Variants in RBMS3 observed in about 807,000 individuals in gnomAD.
RBMS3 encodes RNA-binding motif, single-stranded-interacting protein 3.
In RBMS3, 27 loss-of-function variants were observed where a neutral mutation model predicts 66.8. The observed-to-expected ratio is 0.40, with a 90% confidence interval of 0.30 to 0.56. The LOEUF is 0.56. Ranked by LOEUF, RBMS3 falls within the 20% of genes least tolerant of loss-of-function variation. The probability of loss-of-function intolerance (pLI) is 0.40; values close to 1 mark genes in which losing one functional copy is unlikely to be tolerated. For synonymous variants in RBMS3, 188 were observed against 183.0 expected (o/e 1.03, Z -0.22); for missense variants, 513 against 549.5 (o/e 0.93, Z 0.66).
chr3:29,862,684 C>T (rs1197827782), intron 6 of RBMS3, among the ~76,000 whole-genome samples: 1 of 151,476 alleles, frequency 6.6e-6, no homozygotes, highest in African/African-American at 2.4e-5. Context: ...TTAGAAGTGA[C>T]GAGAGTGAAA....
intron 12 of RBMS3, among the ~76,000 whole-genome samples, chr3:29,966,108 A>G (rs1351427444): frequency 6.6e-6 from 1 of 152,126 alleles, no homozygotes; most frequent in Non-Finnish European, 1.5e-5. Flanking sequence ...TTATATCAGT[A>G]CCATGCTGTT....
intron 6 of RBMS3, among the ~76,000 whole-genome samples, chr3:29,808,730 T>A (rs1284710556): frequency 6.6e-6 from 1 of 151,920 alleles, no homozygotes; most frequent in African/African-American, 2.4e-5. Context: ...ACCTGCTTGA[T>A]TATCACTTAT....
chr3:29,358,774 T>C (rs2037384465), intron 1 of RBMS3, among the ~76,000 whole-genome samples: 1 of 152,176 alleles, frequency 6.6e-6, no homozygotes, highest in African/African-American at 2.4e-5. Flanking sequence ...CCCTTGTAAG[T>C]TGGAATCCTA....
intron 6 of RBMS3, among the ~76,000 whole-genome samples, chr3:29,764,840 A>G (rs554938507): frequency 6.6e-6 from 1 of 152,116 alleles, no homozygotes; most frequent in African/African-American, 2.4e-5. Context: ...TCATAGCTAC[A>G]CCCAATGGAA....
intron 3 of RBMS3, among the ~76,000 whole-genome samples, chr3:29,503,653 T>G (rs1179744640): frequency 6.6e-6 from 1 of 152,108 alleles, no homozygotes; most frequent in Non-Finnish European, 1.5e-5. Flanking sequence ...TTAATTTTGC[T>G]GATAGGATTT....
intron 4 of RBMS3, among the ~76,000 whole-genome samples, chr3:29,686,890 A>G (rs1389479735): frequency 1.3e-5 from 2 of 152,142 alleles, no homozygotes; most frequent in African/African-American, 2.4e-5. Flanking sequence ...TGTCAGAAAT[A>G]AAGTCATTAT....
intron 12 of RBMS3, among the ~76,000 whole-genome samples, chr3:29,986,443 AG>A (rs1698393951): frequency 6.6e-6 from 1 of 152,210 alleles, no homozygotes; most frequent in Admixed American, 6.5e-5. Flanking sequence ...GTCAATATCA[AG>A]AAGAGGATAT....
At chr3:29,318,579 T>C (rs2034827448) in intron 1 of RBMS3, among the ~76,000 whole-genome samples, 1 of 151,936 alleles carries the variant, frequency 6.6e-6, no homozygotes, top group African/African-American at 2.4e-5. Flanking sequence ...TTAGCAATTA[T>C]TTCCGAATGA....
chr3:29,677,151 A>G (rs558362653), intron 4 of RBMS3, among the ~76,000 whole-genome samples: 14 of 152,264 alleles, frequency 9.2e-5, no homozygotes, highest in East Asian at 7.7e-4. Flanking sequence ...GGATGGTACT[A>G]AACAATTCAT....
intron 1 of RBMS3, among the ~76,000 whole-genome samples, chr3:29,380,297 T>A (rs62235719): frequency 1.3e-5 from 2 of 151,898 alleles, no homozygotes; most frequent in East Asian, 1.9e-4. Context: ...AAAAATATCC[T>A]GTAATTTTTA....
chr3:29,590,093 T>TA lies in RBMS3; in HGVS notation c.399+2888_399+2889insA, dbSNP rs1435089352. The stretch of plus-strand genomic sequence containing the variant: ...TCTGCCACAAAGGAGTTTATTTATT[T>TA]TTTTTTGGTATCAAAAGTCATGTTT... On this transcript the variant is annotated intron_variant, in intron 4 of 14. Coordinates refer to ENST00000383767, the MANE Select transcript of RBMS3 (RefSeq NM_001003793.3). Among the ~76,000 whole-genome samples the TA allele has an allele frequency of 2.4e-4, 37 of 151,992 alleles. No homozygotes were observed. In the East Asian group the frequency reaches 2.5e-3, roughly 10 times the overall value.
At chr3:30,003,352 A>T (rs114167699) in intron 14 of RBMS3, among the ~76,000 whole-genome samples, 1 of 152,030 alleles carries the variant, frequency 6.6e-6, no homozygotes, top group African/African-American at 2.4e-5. Context: ...ACAAATTTAT[A>T]ATCTTGACAG....
In RBMS3 at chr3:29,670,871, C is replaced by T. The variant is rs555187680; in HGVS notation, c.400-68849C>T. Among the ~76,000 whole-genome samples the T allele has an allele frequency of 7.2e-4, 109 of 152,300 alleles. No individual in the cohort carries two copies. In the Middle Eastern group the frequency reaches 0.01, roughly 14 times the overall value. On this transcript the variant is annotated intron_variant, in intron 4 of 14. Coordinates refer to ENST00000383767, the MANE Select transcript of RBMS3 (RefSeq NM_001003793.3). ...GCACAGAAACTTCTGCAGACTTAAACGCCCCTGTCTGACAGTTTTGAAGAG... is the reference window on the plus strand; with the variant it reads ...GCACAGAAACTTCTGCAGACTTAAATGCCCCTGTCTGACAGTTTTGAAGAG...
At chr3:29,445,776 A>T (rs953236874) in intron 2 of RBMS3, among the ~76,000 whole-genome samples, 23 of 152,108 alleles carry the variant, frequency 1.5e-4, no homozygotes, top group African/African-American at 5.1e-4. Context: ...TAAAAAACAA[A>T]TTTTTGTTTT....
chr3:29,480,845 G>C (rs2043104219), intron 2 of RBMS3, among the ~76,000 whole-genome samples: 1 of 152,182 alleles, frequency 6.6e-6, no homozygotes, highest in Non-Finnish European at 1.5e-5. Flanking sequence ...ACATTTCAGA[G>C]AAATATAGGT....
intron 6 of RBMS3, among the ~76,000 whole-genome samples, chr3:29,855,132 A>G (rs1481400382): frequency 6.6e-6 from 1 of 152,192 alleles, no homozygotes; most frequent in Non-Finnish European, 1.5e-5. Context: ...GATATTTACT[A>G]CATGCTACTC....
At position 29,853,612 on chromosome 3, in the gene RBMS3, T is replaced by C. The variant is rs555678751; in HGVS notation, c.638-15246T>C. ...ATTGGCTACTTCTTTACTTCCTGTT[T>C]TTCCCTAATTAGCATTTTAATGAGC... On this transcript the variant is annotated intron_variant, in intron 6 of 14. Transcript: ENST00000383767. Among the ~76,000 whole-genome samples the C allele has an allele frequency of 3.3e-5, 5 of 152,110 alleles. No individual in the cohort carries two copies. In the South Asian group the frequency reaches 6.2e-4, roughly 19 times the overall value.
At chr3:29,827,017 G>A (rs2058228431) in intron 6 of RBMS3, among the ~76,000 whole-genome samples, 1 of 152,110 alleles carries the variant, frequency 6.6e-6, no homozygotes, top group Non-Finnish European at 1.5e-5. Flanking sequence ...AGTGATTTAA[G>A]AATCACAGAA....
chr3:29,299,112 A>T (rs556947007), intron 1 of RBMS3, among the ~76,000 whole-genome samples: 10 of 151,938 alleles, frequency 6.6e-5, no homozygotes, highest in Non-Finnish European at 1.5e-4. Flanking sequence ...TAAAGGGAGA[A>T]GACAGTCTTG....
Sources: gnomAD v4.1 joint callset for allele counts (sites outside exome capture counted in the v4.1 genomes callset) on GRCh38, gnomAD v4.1.1 for gene constraint, MANE v1.5 for transcripts, NCBI Gene and HGNC (gene_info 2026-07-23, HGNC 2026-07-21) for gene names.